LHFPL2: variants seen among roughly 807,000 people sequenced by gnomAD.
LHFPL2 encodes the protein LHFPL tetraspan subfamily member 2 protein.
LHFPL2 carries 7 observed loss-of-function variants against 17.5 expected under a neutral mutation model. The observed-to-expected ratio is 0.40, with a 90% CI of 0.23 to 0.75. The LOEUF (loss-of-function observed/expected upper bound fraction) is 0.75, where lower values mean the gene tolerates loss of function less well. Among genes scored for constraint, LHFPL2 ranks in the 30% least tolerant of loss-of-function variants. The probability of loss-of-function intolerance (pLI) is 0.37; values close to 1 mark genes in which losing one functional copy is unlikely to be tolerated. For missense variants in LHFPL2, 241 were observed against 294.8 expected, an observed-to-expected ratio of 0.82 and a Z score of 1.34; for synonymous variants, 134 against 116.2, an observed-to-expected ratio of 1.15 and a Z score of -0.99.
intron 2 of LHFPL2, among the ~76,000 whole-genome samples, chr5:78,623,510 A>G (rs1040880536): frequency 6.6e-6 from 1 of 152,248 alleles, no homozygotes. Flanking sequence ...ACTATGTCAC[A>G]TGCAATAAGT....
At chr5:78,607,095 C>G (rs1744242248) in intron 2 of LHFPL2, among the ~76,000 whole-genome samples, 1 of 151,980 alleles carries the variant, frequency 6.6e-6, no homozygotes, top group Non-Finnish European at 1.5e-5. Context: ...TAATCACATC[C>G]CAAGATGTAG....
intron 3 of LHFPL2, among the ~76,000 whole-genome samples, chr5:78,544,891 CTTGTCTTTTCTTTT>C (rs1012074331): frequency 2.0e-5 from 3 of 152,170 alleles, no homozygotes; most frequent in Non-Finnish European, 2.9e-5. Context: ...GCTTTTCTTT[CTTGTCTTTTCTTTT>C]TTTAAAAGAA....
chr5:78,513,873 C>T (rs939441717), intron 3 of LHFPL2, among the ~76,000 whole-genome samples: 1 of 152,156 alleles, frequency 6.6e-6, no homozygotes, highest in African/African-American at 2.4e-5. Flanking sequence ...CCCAGTCTCA[C>T]GTATGTCTTT....
chr5:78,593,821 G>A (rs1005480667), intron 2 of LHFPL2, among the ~76,000 whole-genome samples: 9 of 152,080 alleles, frequency 5.9e-5, no homozygotes, highest in Admixed American at 1.3e-4. Context: ...CAAACCAGAC[G>A]GCATGACTGT....
chr5:78,533,065 C>T (rs990928359), intron 3 of LHFPL2, among the ~76,000 whole-genome samples: 1 of 152,146 alleles, frequency 6.6e-6, no homozygotes, highest in Non-Finnish European at 1.5e-5. Context: ...ACAGCCTTAC[C>T]GATGTGGCCG....
intron 2 of LHFPL2, among the ~76,000 whole-genome samples, chr5:78,576,794 G>A (rs1228977336): frequency 2.0e-5 from 3 of 152,154 alleles, no homozygotes; most frequent in Non-Finnish European, 2.9e-5. Context: ...TTTAGGTTCA[G>A]GGGTACATAG....
intron 2 of LHFPL2, among the ~76,000 whole-genome samples, chr5:78,613,268 A>G (rs1343614607): frequency 6.6e-6 from 1 of 152,198 alleles, no homozygotes; most frequent in Non-Finnish European, 1.5e-5. Context: ...ATCATGGCAA[A>G]CTTGGAACAT....
rs1221020310 is a variant in LHFPL2, at chr5:78,487,037, G to A, written c.*1860C>T. On this transcript the variant is annotated 3_prime_UTR_variant, in exon 5 of 5. Coordinates refer to ENST00000380345, the MANE Select transcript of LHFPL2 (RefSeq NM_005779.3). ...CTTTCTGTGTGGTGTTAGAGATATG[G>A]TTAAGGTTTCCTAGGCTGCTATGAA... The A allele has an allele frequency of 6.6e-6, 1 of 152,136 alleles. No individual in the cohort carries two copies. The highest frequency in any genetic ancestry group is 2.4e-5 in the African/African-American group (1 of 41,432). The allele number at this position is 152,136 out of a possible 1,614,324, so 9.4% of individuals were successfully genotyped here. A position where few individuals can be genotyped will look rare whatever the true frequency, so the allele number is the denominator to read the frequency against.
intron 2 of LHFPL2, among the ~76,000 whole-genome samples, chr5:78,630,530 T>G (rs983925980): frequency 6.6e-6 from 1 of 152,144 alleles, no homozygotes; most frequent in African/African-American, 2.4e-5. Context: ...CCTGGGAAAC[T>G]TGAAGACCAT....
chr5:78,537,974 A>G (rs1255396224), intron 3 of LHFPL2, among the ~76,000 whole-genome samples: 1 of 152,130 alleles, frequency 6.6e-6, no homozygotes, highest in Admixed American at 6.5e-5. Context: ...GTGTGAGGCC[A>G]TTTCCCTTTT....
intron 2 of LHFPL2, among the ~76,000 whole-genome samples, chr5:78,574,354 C>T (rs1757075711): frequency 6.6e-6 from 1 of 152,196 alleles, no homozygotes; most frequent in Non-Finnish European, 1.5e-5. Flanking sequence ...GATATCCTTC[C>T]ATGCCCTCTA....
At chr5:78,540,240 T>G (rs1259148463) in intron 3 of LHFPL2, among the ~76,000 whole-genome samples, 1 of 152,214 alleles carries the variant, frequency 6.6e-6, no homozygotes, top group Non-Finnish European at 1.5e-5. Flanking sequence ...ACTCTTCCAG[T>G]TTTCTTTGGT....
chr5:78,583,296 T>C (rs1388371829), intron 2 of LHFPL2, among the ~76,000 whole-genome samples: 17 of 152,168 alleles, frequency 1.1e-4, no homozygotes, highest in South Asian at 1.0e-3. Context: ...AAAGTTAATA[T>C]TGTTATGTGT....
chr5:78,510,789 AC>A (rs1755095906), intron 3 of LHFPL2, among the ~76,000 whole-genome samples: 1 of 152,044 alleles, frequency 6.6e-6, no homozygotes, highest in Admixed American at 6.5e-5. Context: ...CTGGCAATCA[AC>A]TCTATTAGTG....
At chr5:78,587,998 C>T (rs1372887558) in intron 2 of LHFPL2, among the ~76,000 whole-genome samples, 1 of 152,192 alleles carries the variant, frequency 6.6e-6, no homozygotes, top group Non-Finnish European at 1.5e-5. Context: ...TCGCAGGAGA[C>T]ATGAGGATGT....
At chr5:78,604,253 G>A (rs1017220576) in intron 2 of LHFPL2, among the ~76,000 whole-genome samples, 423 of 152,242 alleles carry the variant, frequency 2.8e-3, no homozygotes, top group Non-Finnish European at 4.3e-3. Context: ...CGAGGCAGGC[G>A]GATCACCTGA....
At chr5:78,600,798 A>C (rs1243948721) in intron 2 of LHFPL2, among the ~76,000 whole-genome samples, 1 of 152,224 alleles carries the variant, frequency 6.6e-6, no homozygotes, top group Non-Finnish European at 1.5e-5. Context: ...CCTCAGAGAG[A>C]TACTACTAAC....
Position 78,532,170 on chromosome 5 carries a change from C to T in LHFPL2, c.-185-21772G>A, listed in dbSNP as rs181933154. Among the ~76,000 whole-genome samples the T allele has an allele frequency of 7.6e-4, 116 of 152,210 alleles. 1 individual carries two copies. The highest frequency in any genetic ancestry group is 5.4e-4 in the Non-Finnish European group (37 of 68,008). On this transcript the variant is annotated intron_variant, in intron 3 of 4. Coordinates refer to ENST00000380345, the MANE Select transcript of LHFPL2 (RefSeq NM_005779.3). The stretch of plus-strand genomic sequence containing the variant: ...GATTCCTGACCTCAAATGATCCACC[C>T]GGCTCAGCCTCCCAAAGTGCTGGGA...
intron 2 of LHFPL2, among the ~76,000 whole-genome samples, chr5:78,631,914 C>G (rs932277179): frequency 1.4e-5 from 2 of 139,286 alleles, no homozygotes; most frequent in Non-Finnish European, 3.0e-5. Context: ...CCAGCCTGGC[C>G]TACAGAGCAA....
Sources: gnomAD v4.1 joint callset for allele counts (sites outside exome capture counted in the v4.1 genomes callset) on GRCh38, gnomAD v4.1.1 for gene constraint, MANE v1.5 for transcripts, NCBI Gene and HGNC (gene_info 2026-07-23, HGNC 2026-07-21) for gene names.